The following RANBP2 variants were observed in gnomAD, a reference collection of about 807,000 sequenced individuals.
RANBP2 encodes RAN binding protein 2.
Under a neutral mutation model 303.6 loss-of-function variants are expected in RANBP2, and 57 were observed. The observed-to-expected ratio is 0.19, with a 90% CI of 0.15 to 0.23. The LOEUF is 0.23. Ranked by LOEUF, RANBP2 falls within the 10% of genes least tolerant of loss-of-function variation. The pLI, the probability that RANBP2 is intolerant of heterozygous loss-of-function variation, is 1.00. For synonymous variants in RANBP2, 1,167 were observed against 1,301.5 expected, an observed-to-expected ratio of 0.90 and a Z score of 2.23; for missense variants, 3,138 against 3,780.8, an observed-to-expected ratio of 0.83 and a Z score of 4.46.
chr2:109,500,663 G>T, the RANBP2 span, among the ~76,000 whole-genome samples: 2 of 152,142 alleles, frequency 1.3e-5, no homozygotes. Flanking sequence ...TAAAAATAAG[G>T]ACAGGTTAGG....
At chr2:108,928,656 TC>T in the RANBP2 span, among the ~76,000 whole-genome samples, 7 of 152,194 alleles carry the variant, frequency 4.6e-5, no homozygotes, top group Non-Finnish European at 7.4e-5. Flanking sequence ...ATTTTCCTGG[TC>T]CCTGGCAGAA....
At chr2:108,998,764 G>A in the RANBP2 span, among the ~76,000 whole-genome samples, 1 of 150,480 alleles carries the variant, frequency 6.6e-6, no homozygotes, top group Non-Finnish European at 1.5e-5. Flanking sequence ...TTTTTTTTAA[G>A]TAACATCTTC....
the RANBP2 span, among the ~76,000 whole-genome samples, chr2:109,156,588 G>A: frequency 6.6e-6 from 1 of 151,944 alleles, no homozygotes; most frequent in African/African-American, 2.4e-5. Flanking sequence ...TGAGATTACA[G>A]GTGTCCACCA....
chr2:109,698,337 G>A, the RANBP2 span, among the ~76,000 whole-genome samples: 1 of 151,620 alleles, frequency 6.6e-6, no homozygotes, highest in African/African-American at 2.4e-5. Context: ...GTGGTGGCAT[G>A]AGCCTGTAGT....
chr2:109,205,288 T>C, the RANBP2 span, among the ~76,000 whole-genome samples: 3 of 150,342 alleles, frequency 2.0e-5, no homozygotes, highest in African/African-American at 4.9e-5. Context: ...TTAAACTGAG[T>C]CTTGCCATGT....
the RANBP2 span, among the ~76,000 whole-genome samples, chr2:108,919,256 A>T: frequency 1.3e-5 from 2 of 152,220 alleles, no homozygotes; most frequent in Non-Finnish European, 2.9e-5. Flanking sequence ...TTTCTCCAAA[A>T]GGCCAGCCTG....
At chr2:109,280,549 T>G in the RANBP2 span, among the ~76,000 whole-genome samples, 12 of 152,034 alleles carry the variant, frequency 7.9e-5, no homozygotes, top group Middle Eastern at 3.2e-3. Flanking sequence ...TAGCAGTCAT[T>G]GAAATATGGG....
At chr2:109,494,271 G>A in the RANBP2 span, among the ~76,000 whole-genome samples, 1 of 150,440 alleles carries the variant, frequency 6.6e-6, no homozygotes, top group East Asian at 2.0e-4. Context: ...CTAATCAGGG[G>A]TCATTGTACC....
the RANBP2 span, among the ~76,000 whole-genome samples, chr2:109,508,907 G>T: frequency 2.6e-5 from 4 of 152,342 alleles, no homozygotes; most frequent in African/African-American, 7.2e-5. Context: ...GAGCAAAGGC[G>T]CTACAAGCCC....
At chr2:109,185,401 A>C in the RANBP2 span, among the ~76,000 whole-genome samples, 140 of 152,372 alleles carry the variant, frequency 9.2e-4, 1 homozygote, top group African/African-American at 3.2e-3. Context: ...ATCACAGGGA[A>C]CCTAAAGAAA....
the RANBP2 span, among the ~76,000 whole-genome samples, chr2:109,761,525 C>T: frequency 1.3e-5 from 2 of 148,606 alleles, no homozygotes; most frequent in Non-Finnish European, 3.0e-5. Context: ...TCTCGGGGAT[C>T]TCACACTGGG....
chr2:109,428,036 C>G, the RANBP2 span, among the ~76,000 whole-genome samples: 1 of 152,248 alleles, frequency 6.6e-6, no homozygotes, highest in South Asian at 2.1e-4. Context: ...CTCCCCAGCC[C>G]CCTGGCCTCC....
At chr2:109,251,404 GTGCATGGAGTAGACA>G in the RANBP2 span, 1 of 692,234 alleles carries the variant, frequency 1.4e-6, no homozygotes, top group South Asian at 1.4e-5. Flanking sequence ...GCATCTGTGA[GTGCATGGAGTAGACA>G]CCATGAGCAA....
At chr2:109,734,474 C>CA in the RANBP2 span, among the ~76,000 whole-genome samples, 2 of 151,980 alleles carry the variant, frequency 1.3e-5, no homozygotes, top group Admixed American at 6.6e-5. Flanking sequence ...ATAAAAACTA[C>CA]AAAAAAATTA....
chr2:109,609,296 C>T, the RANBP2 span, among the ~76,000 whole-genome samples: 1 of 152,038 alleles, frequency 6.6e-6, no homozygotes, highest in East Asian at 1.9e-4. Flanking sequence ...AAAATAATGC[C>T]TGTCCTCAAA....
the RANBP2 span, among the ~76,000 whole-genome samples, chr2:109,373,299 A>G: frequency 6.6e-6 from 1 of 152,248 alleles, no homozygotes; most frequent in Non-Finnish European, 1.5e-5. Flanking sequence ...GGACATTTTT[A>G]GCTGGCCAAA....
At chr2:109,704,109 T>G in the RANBP2 span, among the ~76,000 whole-genome samples, 1 of 152,096 alleles carries the variant, frequency 6.6e-6, no homozygotes, top group Non-Finnish European at 1.5e-5. Flanking sequence ...AACTATCAGG[T>G]CAGTCAGATG....
chr2:109,667,143 A>G, the RANBP2 span: 1 of 1,287,280 alleles, frequency 7.8e-7, no homozygotes, highest in Non-Finnish European at 1.1e-6. Flanking sequence ...GCCAATCCTG[A>G]GGCATAAGAA....
chr2:108,778,255 A>T (rs1285608705), intron 25 of RANBP2, among the ~76,000 whole-genome samples: 1 of 152,210 alleles, frequency 6.6e-6, no homozygotes, highest in East Asian at 1.9e-4. Context: ...ACCATGCCTA[A>T]ATAAGCCTTA....
Sources: gnomAD v4.1 joint callset for allele counts (sites outside exome capture counted in the v4.1 genomes callset) on GRCh38, gnomAD v4.1.1 for gene constraint, MANE v1.5 for transcripts, NCBI Gene and HGNC (gene_info 2026-07-23, HGNC 2026-07-21) for gene names.